The following SUFU variants were observed in gnomAD, a reference collection of about 807,000 sequenced individuals.
The protein encoded by SUFU is SUFU negative regulator of hedgehog signaling, also known as suppressor of fused homolog.
In SUFU, 7 loss-of-function variants were observed where a neutral mutation model predicts 58.9. That is an observed-to-expected ratio of 0.12 (90% CI 0.07 to 0.22). SUFU has a LOEUF of 0.22. Ranked by LOEUF, SUFU falls within the 10% of genes least tolerant of loss-of-function variation. The pLI, the probability that SUFU is intolerant of heterozygous loss-of-function variation, is 1.00. For synonymous variants in SUFU, 232 were observed against 254.8 expected, an observed-to-expected ratio of 0.91 and a Z score of 0.85; for missense variants, 451 against 641.3, an observed-to-expected ratio of 0.70 and a Z score of 3.20.
intron 10 of SUFU, among the ~76,000 whole-genome samples, chr10:102,622,191 G>T (rs889863612): frequency 6.6e-6 from 1 of 152,208 alleles, no homozygotes; most frequent in Non-Finnish European, 1.5e-5. Context: ...TTTGATGGTG[G>T]TGAAGCTACA....
intron 2 of SUFU, among the ~76,000 whole-genome samples, chr10:102,520,212 C>CTTTTTTTTTT (rs36020604): frequency 3.4e-4 from 39 of 113,514 alleles, no homozygotes; most frequent in Non-Finnish European, 5.0e-4. Flanking sequence ...TTTTTTCTTT[C>CTTTTTTTTTT]TTTTTTTTTT....
chr10:102,516,340 C>T (rs1045105608), intron 2 of SUFU, among the ~76,000 whole-genome samples: 2 of 151,928 alleles, frequency 1.3e-5, no homozygotes, highest in African/African-American at 4.8e-5. Context: ...TCCCAAAGTG[C>T]TGGGATTTCT....
At chr10:102,577,114 C>T (rs1465275356) in intron 3 of SUFU, among the ~76,000 whole-genome samples, 2 of 122,994 alleles carry the variant, frequency 1.6e-5, no homozygotes, top group South Asian at 2.7e-4. Flanking sequence ...GATGGAGTCT[C>T]ACCCTGTTGC....
intron 2 of SUFU, among the ~76,000 whole-genome samples, chr10:102,525,052 G>A (rs980406588): frequency 1.2e-4 from 19 of 152,176 alleles, no homozygotes; most frequent in Non-Finnish European, 5.9e-5. Context: ...CCCTTCTGTG[G>A]GAGGAGGTAT....
chr10:102,518,463 T>TG (rs770092095), intron 2 of SUFU, among the ~76,000 whole-genome samples: 1 of 152,128 alleles, frequency 6.6e-6, no homozygotes, highest in Admixed American at 6.5e-5. Context: ...AAGTGCTTTG[T>TG]GGGGGGAAAT....
At position 102,619,167 on chromosome 10, in the gene SUFU, T is replaced by G. The variant is rs1242076766; in HGVS notation, c.1296+1739T>G. The G allele has an allele frequency of 6.2e-7, 1 of 1,610,376 alleles. No homozygotes were observed. The highest frequency in any genetic ancestry group is 8.5e-7 in the Non-Finnish European group (1 of 1,179,652). On this transcript the variant is annotated intron_variant, in intron 10 of 11. Transcript: ENST00000369902. This position sits in a 1 kb window ranked among gnomAD's most constrained non-coding sequence, Gnocchi z 4.2. The stretch of plus-strand genomic sequence containing the variant: ...TCCAATTTTCAGCAGCTCAAGAACC[T>G]TGGCCCCCACAGGACTTCGCAGATG...
At chr10:102,613,357 G>T (rs2063646122) in intron 8 of SUFU, among the ~76,000 whole-genome samples, 1 of 152,268 alleles carries the variant, frequency 6.6e-6, no homozygotes, top group Non-Finnish European at 1.5e-5. Context: ...TCAGATCCAG[G>T]AGTGAGTCCT....
chr10:102,556,965 T>G (rs961037334), intron 3 of SUFU, among the ~76,000 whole-genome samples: 2 of 151,824 alleles, frequency 1.3e-5, no homozygotes, highest in Non-Finnish European at 2.9e-5. Context: ...GGTGCACATC[T>G]GTAATCACAG....
At chr10:102,568,921 CACATATATATATAT>C (rs2063128280) in intron 3 of SUFU, among the ~76,000 whole-genome samples, 1 of 9,538 alleles carries the variant, frequency 1.0e-4, no homozygotes, top group Non-Finnish European at 1.9e-4. Context: ...TATATATATA[CACATATATATATAT>C]ATATATATAT....
intron 2 of SUFU, 152 bp from the exon 3 acceptor site, chr10:102,549,818 C>A: frequency 1.0e-6 from 1 of 964,928 alleles, no homozygotes; most frequent in South Asian, 1.6e-5. Flanking sequence ...TCTCAGGTTC[C>A]CTCCCCACAA....
At chr10:102,517,347 T>C (rs1180357909) in intron 2 of SUFU, among the ~76,000 whole-genome samples, 1 of 151,912 alleles carries the variant, frequency 6.6e-6, no homozygotes, top group Admixed American at 6.6e-5. Context: ...TGTGGTATTG[T>C]AAGTGACTAC....
intron 2 of SUFU, among the ~76,000 whole-genome samples, chr10:102,543,240 A>C (rs551482646): frequency 6.6e-6 from 1 of 152,190 alleles, no homozygotes; most frequent in South Asian, 2.1e-4. Flanking sequence ...CATACTTACT[A>C]ATTTTTGCCA....
chr10:102,605,498 GC>G (rs949164426), intron 8 of SUFU, among the ~76,000 whole-genome samples: 1 of 152,060 alleles, frequency 6.6e-6, no homozygotes, highest in Non-Finnish European at 1.5e-5. Flanking sequence ...CTGTCTCAAA[GC>G]AAAAAAAGAA....
intron 3 of SUFU, among the ~76,000 whole-genome samples, chr10:102,566,459 G>A (rs1032233011): frequency 6.6e-6 from 1 of 151,838 alleles, no homozygotes; most frequent in Non-Finnish European, 1.5e-5. Context: ...GTGAAACCAC[G>A]TCTCTATTAA....
At chr10:102,547,813 A>C (rs1348203557) in intron 2 of SUFU, among the ~76,000 whole-genome samples, 2 of 151,958 alleles carry the variant, frequency 1.3e-5, no homozygotes, top group East Asian at 3.9e-4. Flanking sequence ...TCTCGGAAAG[A>C]AAGAGAGAGA....
intron 8 of SUFU, among the ~76,000 whole-genome samples, 157 bp from the exon 9 acceptor site, chr10:102,615,111 C>T (rs978672461): frequency 5.9e-5 from 9 of 152,046 alleles, no homozygotes; most frequent in Non-Finnish European, 8.8e-5. Flanking sequence ...CAGTGGCTGG[C>T]GCTCGCCAGG....
chr10:102,565,690 G>A (rs1461615336), intron 3 of SUFU, among the ~76,000 whole-genome samples: 2 of 152,156 alleles, frequency 1.3e-5, no homozygotes, highest in African/African-American at 4.8e-5. Flanking sequence ...GACTACAGGT[G>A]CCCGCCACCA....
chr10:102,562,895 A>C (rs898318911), intron 3 of SUFU, among the ~76,000 whole-genome samples: 1 of 152,224 alleles, frequency 6.6e-6, no homozygotes, highest in Non-Finnish European at 1.5e-5. Flanking sequence ...CGTCTCAAAA[A>C]AACAAAACAG....
chr10:102,614,865 G>C (rs994619943), intron 8 of SUFU, among the ~76,000 whole-genome samples: 4 of 148,998 alleles, frequency 2.7e-5, no homozygotes, highest in African/African-American at 9.9e-5. Context: ...AATAGAACGA[G>C]ACACCATCTC....
Sources: gnomAD v4.1 joint callset for allele counts (sites outside exome capture counted in the v4.1 genomes callset) on GRCh38, gnomAD v4.1.1 for gene constraint, Gnocchi (gnomAD v3.1) non-coding constraint, MANE v1.5 for transcripts, NCBI Gene and HGNC (gene_info 2026-07-23, HGNC 2026-07-21) for gene names.